PMPCB: variants seen among roughly 807,000 people sequenced by gnomAD.
The protein encoded by PMPCB is mitochondrial-processing peptidase subunit beta.
In PMPCB, 46 loss-of-function variants were observed where a neutral mutation model predicts 61.5. The ratio of observed to expected loss-of-function variants is 0.75; its 90% CI spans 0.59 to 0.96. PMPCB has a LOEUF of 0.96. Ranked by LOEUF, PMPCB falls within the 40% of genes least tolerant of loss-of-function variation. The probability of loss-of-function intolerance (pLI) is 0.00; values close to 1 mark genes in which losing one functional copy is unlikely to be tolerated. For missense variants in PMPCB, 590 were observed against 602.4 expected, an observed-to-expected ratio of 0.98 and a Z score of 0.22; for synonymous variants, 191 against 201.6, an observed-to-expected ratio of 0.95 and a Z score of 0.44.
the PMPCB span, among the ~76,000 whole-genome samples, chr7:103,340,216 A>G: frequency 9.8e-5 from 15 of 152,326 alleles, no homozygotes; most frequent in East Asian, 2.3e-3. Context: ...TTCAAATAAC[A>G]AAGTGTCTTT....
At chr7:103,302,817 A>G (rs1416018550) in intron 4 of PMPCB, among the ~76,000 whole-genome samples, 1 of 152,092 alleles carries the variant, frequency 6.6e-6, no homozygotes, top group Admixed American at 6.6e-5. Context: ...AGGCAGGAGG[A>G]TTGTTTGAGC....
In PMPCB at chr7:103,301,088, A is replaced by G. The variant is rs571979089; in HGVS notation, c.457+781A>G. ...CATTAATAATGTTTAAATGGCACTT[A>G]ACACAAGTACTTTTGTGTATATATT... is the stretch of plus-strand genomic sequence containing the variant. On this transcript the variant is annotated intron_variant, in intron 4 of 12. Transcript: ENST00000249269. Among the ~76,000 whole-genome samples the G allele has an allele frequency of 7.2e-5, 11 of 152,332 alleles. No individual in the cohort carries two copies. In the South Asian group the frequency reaches 1.9e-3, roughly 26 times the overall value.
rs143187508 is a variant in PMPCB, at chr7:103,304,438, T to C, written c.684T>C (p.Asp228=). ...CTATAAGTCGTAAGGACTTAGTGGA[T>C]TATATAACCACACATTATAAGGGGC... is the stretch of plus-strand genomic sequence containing the variant. ...IKSISRKDLV[D]YITTHYKGPR... is the part of the protein sequence containing the mutation. The change falls in exon 6 of 13, where the codon GAT becomes GAC. Residue 228 remains aspartate (D), a synonymous_variant. Coordinates refer to ENST00000249269, the MANE Select transcript of PMPCB (RefSeq NM_004279.3). 6.2e-7 allele frequency: 1 copy of C among 1,604,558 alleles called. No individual in the cohort carries two copies. Among genetic ancestry groups the C allele is most frequent in the African/African-American group, 1.3e-5 (1 of 74,754 alleles).
chr7:103,326,922 C>G (rs1480031613), intron 12 of PMPCB, among the ~76,000 whole-genome samples: 1 of 152,050 alleles, frequency 6.6e-6, no homozygotes, highest in Non-Finnish European at 1.5e-5. Context: ...TAAATATCAC[C>G]CACCCCTCAA....
intron 12 of PMPCB, chr7:103,322,878 T>C: frequency 9.4e-7 from 1 of 1,061,454 alleles, no homozygotes; most frequent in Non-Finnish European, 1.4e-6. Flanking sequence ...AATATTTATA[T>C]GTACATAACA....
At position 103,306,531 on chromosome 7, in the gene PMPCB, T is replaced by C. The variant is rs144706302; in HGVS notation, c.737-1065T>C. 3.8e-3 allele frequency among the ~76,000 whole-genome samples: 572 copies of C among 152,168 alleles called. 4 individuals are homozygous for C. The highest frequency in any genetic ancestry group is 0.014 in the African/African-American group (563 of 41,510). On this transcript the variant is annotated intron_variant, in intron 6 of 12. Coordinates refer to ENST00000249269, the MANE Select transcript of PMPCB (RefSeq NM_004279.3). ...CCGAGTAGCTGGGATTACAGGCATT[T>C]GCCATCACACCTGACTAATTTTGTA...
At position 103,308,998 on chromosome 7, in the gene PMPCB, C is replaced by G. The variant is rs1239496334; in HGVS notation, c.896C>G (p.Ala299Gly). ...ATGCCTTTGGCGCACCTTGCAATAGCTGTTGAAGCTGTTGGTTGGGCACAT... is the reference window on the plus strand; with the variant it reads ...ATGCCTTTGGCGCACCTTGCAATAGGTGTTGAAGCTGTTGGTTGGGCACAT... ...DKMPLAHLAI[A>G]VEAVGWAHPD... The change falls in exon 8 of 13, where the codon GCT (alanine) becomes GGT (glycine). Residue 299 changes from alanine (A) to glycine (G), a missense_variant. Ala to Gly is a moderately conservative substitution (Grantham distance 60, BLOSUM62 0). Coordinates refer to ENST00000249269, the MANE Select transcript of PMPCB (RefSeq NM_004279.3). The G allele has an allele frequency of 1.9e-6, 3 of 1,605,154 alleles. No homozygotes were observed. In the South Asian group the frequency reaches 3.3e-5, roughly 18 times the overall value.
downstream of PMPCB, among the ~76,000 whole-genome samples, chr7:103,318,019 G>A (rs1035902572): frequency 6.6e-5 from 10 of 152,118 alleles, no homozygotes; most frequent in Non-Finnish European, 2.9e-5. Context: ...ATCCACAAAC[G>A]TCAGATTAGT....
At chr7:103,341,900 T>G in the PMPCB span, 1 of 1,612,622 alleles carries the variant, frequency 6.2e-7, no homozygotes. Flanking sequence ...GTTTCTCCTC[T>G]TAACAAAAGC....
At chr7:103,333,950 CATT>C (rs1819067747), downstream of PMPCB, among the ~76,000 whole-genome samples, 1 of 148,754 alleles carries the variant, frequency 6.7e-6, no homozygotes, top group Admixed American at 6.7e-5. Context: ...CTGTTGTGAA[CATT>C]TTTTTTTTTT....
chr7:103,312,054 A>G lies in PMPCB; in HGVS notation c.1330-2A>G, dbSNP rs1817775479. ...TGAATGACAGTGTCTTCCATATTTC[A>G]GGCTGTGAATGCTGAGACAATTCGA... On this transcript the variant is annotated splice_acceptor_variant, in intron 11 of 12. Transcript: ENST00000249269. LOFTEE classifies it high-confidence loss of function. The G allele has an allele frequency of 4.3e-6, 7 of 1,612,810 alleles. No individual in the cohort carries two copies. The highest frequency in any genetic ancestry group is 5.1e-6 in the Non-Finnish European group (6 of 1,179,290).
chr7:103,308,474 T>C (rs1817647554), intron 7 of PMPCB, among the ~76,000 whole-genome samples: 1 of 151,952 alleles, frequency 6.6e-6, no homozygotes, highest in Non-Finnish European at 1.5e-5. Flanking sequence ...ATACAAAAAT[T>C]AGCTGGGCGT....
chr7:103,341,703 A>T, the PMPCB span: 2 of 1,347,778 alleles, frequency 1.5e-6, no homozygotes, highest in Non-Finnish European at 2.0e-6. Context: ...GAAAACTCAT[A>T]AGAAAATTGT....
chr7:103,344,407 A>C, the PMPCB span: 2 of 777,412 alleles, frequency 2.6e-6, no homozygotes, highest in Non-Finnish European at 4.2e-6. Flanking sequence ...ATTACTTTAA[A>C]ACACGGAGCA....
rs1817859689 is a variant in PMPCB, at chr7:103,313,266, A to G, written c.*995A>G. On this transcript the variant is annotated 3_prime_UTR_variant, in exon 13 of 13. Coordinates refer to ENST00000249269, the MANE Select transcript of PMPCB (RefSeq NM_004279.3). ...ACATATAGCCCTCTGAGTGTTAATAAGAGAAAAAATTTCAGATAGCTCACA... is the reference window on the plus strand; with the variant it reads ...ACATATAGCCCTCTGAGTGTTAATAGGAGAAAAAATTTCAGATAGCTCACA... 2 of 1,348,674 alleles carry G rather than the reference A, an allele frequency of 1.5e-6. No individual in the cohort carries two copies. The highest frequency in any genetic ancestry group is 1.9e-6 in the Non-Finnish European group (2 of 1,054,192). 83.5% of individuals were successfully genotyped at this position (1,348,674 alleles called of 1,614,324 possible).
chr7:103,304,446 C>A lies in PMPCB; in HGVS notation c.692C>A (p.Thr231Asn). The A allele has an allele frequency of 6.2e-7, 1 of 1,606,078 alleles. No homozygotes were observed. The highest frequency in any genetic ancestry group is 8.5e-7 in the Non-Finnish European group (1 of 1,172,832). The change falls in exon 6 of 13, where the codon ACC becomes AAC. Residue 231 changes from threonine to asparagine, a missense_variant. By Grantham distance (65) the Thr-to-Asn change is moderately conservative. Coordinates refer to ENST00000249269, the MANE Select transcript of PMPCB (RefSeq NM_004279.3). ...ISRKDLVDYI[T>N]THYKGPRIVL... ...CGTAAGGACTTAGTGGATTATATAACCACACATTATAAGGGGCCAAGAATA... is the reference window on the plus strand; with the variant it reads ...CGTAAGGACTTAGTGGATTATATAAACACACATTATAAGGGGCCAAGAATA...
chr7:103,345,302 A>C, the PMPCB span, among the ~76,000 whole-genome samples: 1 of 152,184 alleles, frequency 6.6e-6, no homozygotes, highest in Non-Finnish European at 1.5e-5. Flanking sequence ...CAATATTTTT[A>C]CCTTGTTCTA....
intron 12 of PMPCB, chr7:103,322,812 T>G (rs779658631): frequency 1.3e-6 from 2 of 1,583,680 alleles, no homozygotes; most frequent in Non-Finnish European, 1.7e-6. Context: ...ATAGAAAATA[T>G]TGGAAACAAA....
chr7:103,327,732 A>G, intron 12 of PMPCB: 3 of 1,613,166 alleles, frequency 1.9e-6, no homozygotes, highest in Non-Finnish European at 2.5e-6. Context: ...TGTCTGGGTG[A>G]TGTTTTAAAA....
Sources: allele counts gnomAD v4.1 joint callset (sites outside exome capture counted in the v4.1 genomes callset), GRCh38; gene constraint gnomAD v4.1.1; transcripts MANE v1.5; gene names NCBI Gene and HGNC (gene_info 2026-07-23, HGNC 2026-07-21).